The following MGAT4C variants were observed in gnomAD, a reference collection of about 807,000 sequenced individuals.
MGAT4C encodes alpha-1,3-mannosyl-glycoprotein 4-beta-N-acetylglucosaminyltransferase C.
MGAT4C carries 19 observed loss-of-function variants against 40.1 expected under a neutral mutation model. The observed-to-expected ratio is 0.47, with a 90% confidence interval of 0.33 to 0.70. The LOEUF (loss-of-function observed/expected upper bound fraction) is 0.70. Ranked by LOEUF, MGAT4C falls within the 30% of genes least tolerant of loss-of-function variation. MGAT4C has a pLI of 0.02. For synonymous variants in MGAT4C, 181 were observed against 187.1 expected, an observed-to-expected ratio of 0.97 and a Z score of 0.27; for missense variants, 491 against 563.2, an observed-to-expected ratio of 0.87 and a Z score of 1.30.
chr12:86,218,126 A>G (rs1950742465), intron 1 of MGAT4C, among the ~76,000 whole-genome samples: 1 of 152,064 alleles, frequency 6.6e-6, no homozygotes, highest in South Asian at 2.1e-4. Context: ...TCATTGGAAA[A>G]AAAAAGATTT....
intron 2 of MGAT4C, among the ~76,000 whole-genome samples, chr12:86,671,794 A>T (rs1964262326): frequency 6.6e-6 from 1 of 152,178 alleles, no homozygotes; most frequent in Non-Finnish European, 1.5e-5. Flanking sequence ...GAGCACCAAG[A>T]TATATGAAAG....
At chr12:86,019,381 G>A (rs1394948376) in intron 2 of MGAT4C, among the ~76,000 whole-genome samples, 2 of 152,094 alleles carry the variant, frequency 1.3e-5, no homozygotes, top group Non-Finnish European at 2.9e-5. Flanking sequence ...ACCTATGTAT[G>A]ATAAATGGCA....
chr12:86,637,851 T>G (rs898734183), intron 2 of MGAT4C, among the ~76,000 whole-genome samples: 18 of 151,928 alleles, frequency 1.2e-4, no homozygotes, highest in African/African-American at 4.1e-4. Context: ...TGTACAAATT[T>G]TCATATTTCC....
intron 4 of MGAT4C, among the ~76,000 whole-genome samples, chr12:86,332,098 T>C (rs1464249367): frequency 2.0e-5 from 3 of 152,136 alleles, no homozygotes; most frequent in Non-Finnish European, 4.4e-5. Context: ...TTCATGAAAT[T>C]ATCTCATTTG....
rs994451871 is a variant in MGAT4C, at chr12:86,141,853, G to A, written c.-56-92130C>T. On this transcript the variant is annotated intron_variant, in intron 1 of 4. Transcript: ENST00000611864. Reference sequence around the variant, plus strand: ...TAAGACTATTTCTGGTGGCTTCAGCGACTGGAAATATCTCTAACCTTATAG... The same window carrying A: ...TAAGACTATTTCTGGTGGCTTCAGCAACTGGAAATATCTCTAACCTTATAG... Among the ~76,000 whole-genome samples, 29 of 152,034 alleles carry A rather than the reference G, an allele frequency of 1.9e-4. 1 individual carries two copies. Among genetic ancestry groups the A allele is most frequent in the Admixed American group, 1.1e-3 (17 of 15,248 alleles).
intron 2 of MGAT4C, among the ~76,000 whole-genome samples, chr12:86,706,631 A>T (rs1190935899): frequency 6.6e-6 from 1 of 152,144 alleles, no homozygotes; most frequent in African/African-American, 2.4e-5. Flanking sequence ...GAAGCAAGAC[A>T]GAGTCCTCAA....
intron 2 of MGAT4C, among the ~76,000 whole-genome samples, chr12:86,688,417 G>A (rs1022568280): frequency 6.6e-6 from 1 of 152,056 alleles, no homozygotes; most frequent in Non-Finnish European, 1.5e-5. Context: ...TTGCACATTA[G>A]TTGATGTAGC....
chr12:86,633,660 C>T (rs889527458), intron 2 of MGAT4C, among the ~76,000 whole-genome samples: 3 of 152,066 alleles, frequency 2.0e-5, no homozygotes, highest in Non-Finnish European at 2.9e-5. Flanking sequence ...AGTTCAGTTG[C>T]ATTTAAAATA....
intron 1 of MGAT4C, among the ~76,000 whole-genome samples, chr12:86,253,913 TA>T (rs1952408285): frequency 6.6e-6 from 1 of 151,944 alleles, no homozygotes; most frequent in African/African-American, 2.4e-5. Flanking sequence ...TTGCAATAGG[TA>T]AAAACATAAT....
At chr12:86,086,599 T>A (rs1425183913) in intron 1 of MGAT4C, among the ~76,000 whole-genome samples, 1 of 152,106 alleles carries the variant, frequency 6.6e-6, no homozygotes, top group African/African-American at 2.4e-5. Context: ...CATTTTGATA[T>A]AAGCAATATA....
intron 2 of MGAT4C, among the ~76,000 whole-genome samples, chr12:86,716,356 T>C (rs1950644744): frequency 6.6e-6 from 1 of 152,166 alleles, no homozygotes; most frequent in Admixed American, 6.6e-5. Context: ...CTCTGCTTCA[T>C]ATGTTGGCCC....
intron 2 of MGAT4C, among the ~76,000 whole-genome samples, chr12:86,702,649 T>C (rs1457212273): frequency 6.6e-6 from 1 of 152,160 alleles, no homozygotes; most frequent in Non-Finnish European, 1.5e-5. Context: ...ATATTTAAAG[T>C]CCACCATTGA....
At chr12:86,341,053 C>G (rs902236215) in intron 3 of MGAT4C, among the ~76,000 whole-genome samples, 1 of 152,076 alleles carries the variant, frequency 6.6e-6, no homozygotes, top group Non-Finnish European at 1.5e-5. Context: ...CGGAGAGGAA[C>G]AAAAGGGGCA....
intron 1 of MGAT4C, among the ~76,000 whole-genome samples, chr12:86,249,796 G>GTGAAATTAGTGAAAT (rs1952190844): frequency 6.6e-6 from 1 of 152,014 alleles, no homozygotes; most frequent in Non-Finnish European, 1.5e-5. Flanking sequence ...TTGCCCACCT[G>GTGAAATTAGTGAAAT]TACCTGAAAA....
intron 4 of MGAT4C, among the ~76,000 whole-genome samples, chr12:86,262,067 A>G (rs1272241463): frequency 6.6e-6 from 1 of 152,102 alleles, no homozygotes. Context: ...AATATAGTTT[A>G]CAATGTCCTG....
chr12:86,443,156 T>C (rs1375064138), intron 2 of MGAT4C, among the ~76,000 whole-genome samples: 2 of 151,976 alleles, frequency 1.3e-5, no homozygotes, highest in Non-Finnish European at 2.9e-5. Context: ...ATGTATGAAG[T>C]ATATTTATAT....
intron 1 of MGAT4C, among the ~76,000 whole-genome samples, chr12:86,141,142 C>T (rs889930653): frequency 7.9e-5 from 12 of 151,958 alleles, no homozygotes; most frequent in Admixed American, 3.9e-4. Flanking sequence ...TGTAGATAAG[C>T]CAAATACCAT....
intron 3 of MGAT4C, among the ~76,000 whole-genome samples, chr12:86,420,811 ATGTG>A (rs1166431572): frequency 4.0e-5 from 6 of 148,734 alleles, no homozygotes; most frequent in Non-Finnish European, 4.5e-5. Context: ...ACACATATAT[ATGTG>A]TGTGTGTGTA....
intron 1 of MGAT4C, among the ~76,000 whole-genome samples, chr12:86,183,458 AATAC>A (rs1346831119): frequency 5.3e-5 from 8 of 152,200 alleles, no homozygotes; most frequent in African/African-American, 1.7e-4. Flanking sequence ...TGATAATTAA[AATAC>A]ATAGTTTATT....
Sources: allele counts gnomAD v4.1 joint callset (sites outside exome capture counted in the v4.1 genomes callset), GRCh38; gene constraint gnomAD v4.1.1; transcripts MANE v1.5; gene names NCBI Gene and HGNC (gene_info 2026-07-23, HGNC 2026-07-21).